Variants in CAST observed in about 807,000 individuals in gnomAD.
CAST encodes calpastatin.
A neutral mutation model predicts 119.6 loss-of-function variants in CAST; 76 were observed. The observed-to-expected ratio is 0.64, with a 90% CI of 0.53 to 0.77. The LOEUF (loss-of-function observed/expected upper bound fraction) is 0.77. Among genes scored for constraint, CAST ranks in the 30% least tolerant of loss-of-function variants. The pLI, the probability that CAST is intolerant of heterozygous loss-of-function variation, is 0.00. For missense variants in CAST, 953 were observed against 946.5 expected (o/e 1.01, Z -0.09); for synonymous variants, 319 against 331.6 (o/e 0.96, Z 0.41).
At chr5:96,269,708 T>C in the CAST span, among the ~76,000 whole-genome samples, 2 of 151,846 alleles carry the variant, frequency 1.3e-5, no homozygotes, top group Non-Finnish European at 2.9e-5. Flanking sequence ...CATGAGAAAA[T>C]AGAAAACCTC....
rs1432360830 is a variant in CAST, at chr5:96,773,409, G to A, written c.*793G>A. The A allele has an allele frequency of 6.6e-6, 1 of 152,362 alleles. No individual in the cohort carries two copies. Among genetic ancestry groups the A allele is most frequent in the African/African-American group, 2.4e-5 (1 of 41,400 alleles). The allele number at this position is 152,362 out of a possible 1,614,324, so 9.4% of individuals were successfully genotyped here. A position where few individuals can be genotyped will look rare whatever the true frequency, so the allele number is the denominator to read the frequency against. ...GAAATAAAATCTAATTAATTCTTAG[G>A]GTACTCATCTGACTTGAACTCTGTT... On this transcript the variant is annotated 3_prime_UTR_variant, in exon 32 of 32. Coordinates refer to ENST00000675179, the MANE Select transcript of CAST (RefSeq NM_001750.7).
At chr5:96,744,011 A>G (rs1236933331) in intron 16 of CAST, among the ~76,000 whole-genome samples, 1 of 152,130 alleles carries the variant, frequency 6.6e-6, no homozygotes, top group Admixed American at 6.5e-5. Flanking sequence ...CATGTCATAA[A>G]CCTCAGGATC....
At chr5:96,745,179 AT>A (rs1409268680) in intron 16 of CAST, among the ~76,000 whole-genome samples, 1 of 152,014 alleles carries the variant, frequency 6.6e-6, no homozygotes, top group East Asian at 1.9e-4. Flanking sequence ...CCATGACAGG[AT>A]TTCTCCAGAT....
chr5:96,381,181 A>G, the CAST span, among the ~76,000 whole-genome samples: 2 of 152,194 alleles, frequency 1.3e-5, no homozygotes, highest in South Asian at 4.1e-4. Flanking sequence ...CAAAAATATA[A>G]AACAATGCAA....
the CAST span, among the ~76,000 whole-genome samples, chr5:96,133,127 C>G: frequency 6.6e-6 from 1 of 152,052 alleles, no homozygotes; most frequent in Non-Finnish European, 1.5e-5. Flanking sequence ...TTTTAAAAGT[C>G]TTACTTACAC....
the CAST span, among the ~76,000 whole-genome samples, chr5:96,077,452 AT>A: frequency 3.3e-5 from 5 of 151,958 alleles, no homozygotes; most frequent in South Asian, 6.2e-4. Context: ...TGTGGATTTT[AT>A]TGTTTTTGCT....
chr5:96,366,662 A>G, the CAST span, among the ~76,000 whole-genome samples: 2 of 152,170 alleles, frequency 1.3e-5, no homozygotes, highest in African/African-American at 4.8e-5. Flanking sequence ...TTCTTGTGCC[A>G]TGGTTTTCAG....
the CAST span, among the ~76,000 whole-genome samples, chr5:96,115,843 A>C: frequency 1.3e-5 from 2 of 152,186 alleles, no homozygotes; most frequent in Non-Finnish European, 2.9e-5. Context: ...GAAATTGTGA[A>C]GTACCCAGAC....
the CAST span, among the ~76,000 whole-genome samples, chr5:95,979,003 T>C: frequency 2.0e-5 from 3 of 152,130 alleles, no homozygotes; most frequent in African/African-American, 7.2e-5. Context: ...GTCAGTGAAC[T>C]GGTGGCAGTA....
intron 1 of CAST, among the ~76,000 whole-genome samples, chr5:96,532,384 A>G (rs539049438): frequency 2.2e-4 from 33 of 152,114 alleles, no homozygotes; most frequent in Non-Finnish European, 3.7e-4. Flanking sequence ...TTCTTTCACA[A>G]TCAGGGTGTA....
intron 1 of CAST, among the ~76,000 whole-genome samples, chr5:96,580,105 G>C (rs1283869329): frequency 6.6e-6 from 1 of 152,178 alleles, no homozygotes; most frequent in Non-Finnish European, 1.5e-5. Flanking sequence ...CATAAGGCTA[G>C]TCTTAAAATT....
At chr5:95,972,675 T>A in the CAST span, among the ~76,000 whole-genome samples, 1 of 152,236 alleles carries the variant, frequency 6.6e-6, no homozygotes, top group Non-Finnish European at 1.5e-5. Flanking sequence ...TCTCTTAAAG[T>A]ATCTTTTGCA....
the CAST span, among the ~76,000 whole-genome samples, chr5:96,206,619 T>C: frequency 1.3e-5 from 2 of 152,132 alleles, no homozygotes; most frequent in African/African-American, 2.4e-5. Context: ...GTTGTAGGTG[T>C]GCGGCTTTAT....
intron 3 of CAST, 30 bp from the exon 4 acceptor site, chr5:96,722,609 G>T (rs760773293): frequency 6.5e-7 from 1 of 1,537,888 alleles, no homozygotes; most frequent in Admixed American, 1.7e-5. Flanking sequence ...AAATAGAATC[G>T]AACTTTCTAT....
chr5:95,969,850 C>G, the CAST span, among the ~76,000 whole-genome samples: 2 of 152,072 alleles, frequency 1.3e-5, no homozygotes, highest in Non-Finnish European at 2.9e-5. Context: ...TCAGAGTCAA[C>G]CTATTGAGTA....
chr5:96,498,880 C>A, the CAST span, among the ~76,000 whole-genome samples: 1 of 152,074 alleles, frequency 6.6e-6, no homozygotes, highest in Admixed American at 6.5e-5. Context: ...AGGACGAGTT[C>A]TTTCTTTTGA....
chr5:96,697,055 C>G (rs1753384160), intron 3 of CAST, among the ~76,000 whole-genome samples: 1 of 151,756 alleles, frequency 6.6e-6, no homozygotes, highest in South Asian at 2.1e-4. Context: ...GTAGTCCCAG[C>G]TACTGGGGAG....
chr5:96,703,587 C>T (rs1432039888), intron 3 of CAST, among the ~76,000 whole-genome samples: 3 of 152,220 alleles, frequency 2.0e-5, no homozygotes, highest in Non-Finnish European at 4.4e-5. Flanking sequence ...CGGCATTCTC[C>T]ACTTACACAC....
chr5:96,635,762 C>T (rs1207345287), intron 1 of CAST, among the ~76,000 whole-genome samples: 1 of 152,200 alleles, frequency 6.6e-6, no homozygotes, highest in African/African-American at 2.4e-5. Flanking sequence ...CCTTTTTGAA[C>T]TATTAAATGA....
Sources: allele counts gnomAD v4.1 joint callset (sites outside exome capture counted in the v4.1 genomes callset), GRCh38; gene constraint gnomAD v4.1.1; transcripts MANE v1.5; gene names NCBI Gene and HGNC (gene_info 2026-07-23, HGNC 2026-07-21).